ZNF500: variants seen among roughly 807,000 people sequenced by gnomAD.
The protein encoded by ZNF500 is zinc finger protein with KRAB and SCAN domains 18.
ZNF500 carries 31 observed loss-of-function variants against 30.1 expected under a neutral mutation model. The ratio of observed to expected loss-of-function variants is 1.03; its 90% CI spans 0.77 to 1.39. The LOEUF (loss-of-function observed/expected upper bound fraction) is 1.39. Among genes scored for constraint, ZNF500 ranks in the 40% most tolerant of loss-of-function variants. The pLI is 0.00. For missense variants in ZNF500, 817 were observed against 657.8 expected (o/e 1.24, Z -2.65); for synonymous variants, 392 against 282.0 (o/e 1.39, Z -3.91).
In ZNF500 at chr16:4,762,622, G is replaced by T. The variant is rs143991556; in HGVS notation, c.549C>A (p.Ala183=). The T allele has an allele frequency of 8.7e-6, 14 of 1,613,964 alleles. No individual in the cohort carries two copies. The highest frequency in any genetic ancestry group is 6.7e-5 in the African/African-American group (5 of 74,922). Residue 183 remains alanine (A), a synonymous_variant, in exon 3 of 6, where the codon GCC becomes GCA. Transcript: ENST00000219478. The stretch of plus-strand genomic sequence containing the variant: ...CCCTCTGTGGCCTGTGGCTCAGCTG[G>T]GCTGGGGGCTGCTGGCTGGAGAATC... The part of the protein sequence containing the change: ...EARFSSQQPP[A]QLSHRPQRGP...
At chr16:4,746,945 TGACAGTGAG>T (rs2082024548), downstream of ZNF500, 3 of 1,563,280 alleles carry the variant, frequency 1.9e-6, no homozygotes, top group East Asian at 4.8e-5. Flanking sequence ...ACAGCTCCTC[TGACAGTGAG>T]GAGGAGGAGG....
chr16:4,761,440 C>CA (rs1166611729), intron 4 of ZNF500, among the ~76,000 whole-genome samples: 1 of 149,362 alleles, frequency 6.7e-6, no homozygotes, highest in Non-Finnish European at 1.5e-5. Flanking sequence ...AACTCTGTCT[C>CA]AAAAAAACAA....
At position 4,752,093 on chromosome 16, in the gene ZNF500, C is replaced by G; in HGVS notation, c.*283G>C. 1 of 1,321,878 alleles carries G rather than the reference C, an allele frequency of 7.6e-7. No homozygotes were observed. The highest frequency in any genetic ancestry group is 3.6e-5 in the Admixed American group (1 of 27,492). The allele number at this position is 1,321,878 out of a possible 1,614,324, so 81.9% of individuals were successfully genotyped here. On this transcript the variant is annotated 3_prime_UTR_variant, in exon 6 of 6. Transcript: ENST00000219478. The stretch of plus-strand genomic sequence containing the variant: ...CCAGCCCCACGAACACCTTGAGTGT[C>G]GGCTTCTGGCCTCCTGAGTGTGTCT...
rs1428877491 is a variant in ZNF500 at position 4,752,430 on chromosome 16, G to A, written c.1389C>T (p.Gly463=). 7 of 1,536,612 alleles carry A rather than the reference G, an allele frequency of 4.6e-6. No individual in the cohort carries two copies. Among genetic ancestry groups the A allele is most frequent in the Non-Finnish European group, 6.1e-6 (7 of 1,145,748 alleles). The part of the protein sequence containing the change: ...HKHQRTHMGA[G]SLPTLQPVAP... ...CCACCGGCTGGAGCGTCGGCAAGGA[G>A]CCTGCCCCCATGTGGGTCCGCTGGT... Residue 463 remains glycine, a synonymous_variant, in exon 6 of 6, where the codon GGC becomes GGT. Transcript: ENST00000219478.
chr16:4,762,923 A>G (rs1258609826), intron 2 of ZNF500, 167 bp from the exon 3 acceptor site: 2 of 985,166 alleles, frequency 2.0e-6, no homozygotes, highest in Non-Finnish European at 2.4e-6. Context: ...CCCTGCAGCC[A>G]GCTCCCAGCC....
intron 5 of ZNF500, 38 bp from the exon 6 acceptor site, chr16:4,753,096 C>G: frequency 6.7e-7 from 1 of 1,499,700 alleles, no homozygotes; most frequent in Non-Finnish European, 8.8e-7. Flanking sequence ...GAACTCACAG[C>G]AAGAGGGCAA....
At chr16:4,760,099 G>A (rs1188878534) in intron 5 of ZNF500, among the ~76,000 whole-genome samples, 1 of 152,220 alleles carries the variant, frequency 6.6e-6, no homozygotes, top group Non-Finnish European at 1.5e-5. Flanking sequence ...AAGGCAGGAA[G>A]AGACAAACGG....
Position 4,766,078 on chromosome 16 carries a change from T to A in ZNF500, c.-98-2A>T. ...AGGAAGAGAGTTTTTTTCAGGGCCC[T>A]GTGGAGAGACGATAAAACCATCTGA... On this transcript the variant is annotated splice_acceptor_variant, in intron 1 of 5. Coordinates refer to ENST00000219478, the MANE Select transcript of ZNF500 (RefSeq NM_021646.4). LOFTEE classifies it low-confidence loss of function (5UTR_SPLICE). 1.6e-6 allele frequency: 2 copies of A among 1,212,852 alleles called. No individual in the cohort carries two copies. Among genetic ancestry groups the A allele is most frequent in the Non-Finnish European group, 2.2e-6 (2 of 890,990 alleles). 75.1% of individuals were successfully genotyped at this position (1,212,852 alleles called of 1,614,324 possible). A position where few individuals can be genotyped will look rare whatever the true frequency, so the allele number is the denominator to read the frequency against.
At chr16:4,763,276 G>A (rs1280097196) in intron 2 of ZNF500, 1 of 301,330 alleles carries the variant, frequency 3.3e-6, no homozygotes, top group Non-Finnish European at 4.9e-6. Flanking sequence ...CAGCACGCTT[G>A]TAATCCCAGG....
At chr16:4,748,098 G>A (rs1486431900), downstream of ZNF500, 1 of 154,668 alleles carries the variant, frequency 6.5e-6, no homozygotes, top group East Asian at 1.9e-4. Context: ...TGCTATTTTG[G>A]GCACCTAAAT....
intron 5 of ZNF500, among the ~76,000 whole-genome samples, chr16:4,760,051 CAAACAA>C (rs1420158293): frequency 2.0e-5 from 3 of 152,034 alleles, no homozygotes; most frequent in Non-Finnish European, 2.9e-5. Flanking sequence ...AACAAACAAG[CAAACAA>C]AAAACCAGAA....
chr16:4,755,383 C>A (rs764584976), intron 5 of ZNF500, among the ~76,000 whole-genome samples: 8 of 152,132 alleles, frequency 5.3e-5, no homozygotes, highest in Non-Finnish European at 1.0e-4. Flanking sequence ...GTGGTGTGAT[C>A]TCCGCTCACT....
At chr16:4,746,360 C>CT, downstream of ZNF500, 1 of 1,607,160 alleles carries the variant, frequency 6.2e-7, no homozygotes. Context: ...ACAACACCTG[C>CT]TTTTCTCATT....
In ZNF500 at chr16:4,750,452, C is replaced by G. The variant is rs1396284646; in HGVS notation, c.*1924G>C. 1 of 152,156 alleles carries G rather than the reference C, an allele frequency of 6.6e-6. No homozygotes were observed. The highest frequency in any genetic ancestry group is 1.5e-5 in the Non-Finnish European group (1 of 68,104). 9.4% of individuals were successfully genotyped at this position (152,156 alleles called of 1,614,324 possible). A position where few individuals can be genotyped will look rare whatever the true frequency, so the allele number is the denominator to read the frequency against. On this transcript the variant is annotated 3_prime_UTR_variant, in exon 6 of 6. Transcript: ENST00000219478. ...AAGTGATCCTCCAGCCTCAGCCTCT[C>G]AAGTAGCTGGGACTACAGGCACACC...
At chr16:4,747,662 G>A, downstream of ZNF500, 1 of 1,570,430 alleles carries the variant, frequency 6.4e-7, no homozygotes, top group East Asian at 2.3e-5. Context: ...GTGGGCAGGG[G>A]CGGGCTGACT....
chr16:4,751,443 G>T lies in ZNF500; in HGVS notation c.*933C>A. On this transcript the variant is annotated 3_prime_UTR_variant, in exon 6 of 6. Transcript: ENST00000219478. Reference sequence around the variant, plus strand: ...AACATGTCAGGAAGATGGAACTCAGGGGTGCTTTCCCGCCCCAGGTGTCTT... The same window carrying T: ...AACATGTCAGGAAGATGGAACTCAGTGGTGCTTTCCCGCCCCAGGTGTCTT... 1.2e-6 allele frequency: 1 copy of T among 803,574 alleles called. No homozygotes were observed. The highest frequency in any genetic ancestry group is 1.9e-5 in the South Asian group (1 of 53,738). 49.8% of individuals were successfully genotyped at this position (803,574 alleles called of 1,614,324 possible).
At position 4,762,684 on chromosome 16, in the gene ZNF500, C is replaced by T; in HGVS notation, c.487G>A (p.Ala163Thr). ...GGQFLKHQAE[A>T]QPEDLSLEEE... is the part of the protein sequence containing the mutation. ...TCCAGGGACAGATCCTCTGGCTGAG[C>T]CTCTGCCTGGTGTTTTAAGAACTGT... The change falls in exon 3 of 6, where the codon GCT becomes ACT. Residue 163 changes from alanine (A) to threonine (T), a missense_variant. Physicochemically the swap from Ala to Thr is moderately conservative, Grantham distance 58 (BLOSUM62 0). Coordinates refer to ENST00000219478, the MANE Select transcript of ZNF500 (RefSeq NM_021646.4). 6.2e-7 allele frequency: 1 copy of T among 1,614,084 alleles called. No individual in the cohort carries two copies. Among genetic ancestry groups the T allele is most frequent in the Non-Finnish European group, 8.5e-7 (1 of 1,179,972 alleles).
chr16:4,746,681 G>A, downstream of ZNF500: 2 of 985,650 alleles, frequency 2.0e-6, no homozygotes, highest in Non-Finnish European at 1.5e-6. Context: ...TCCCTGCAGG[G>A]AGGGAAGAGG....
At chr16:4,760,640 C>A (rs748931849) in intron 4 of ZNF500, 52 bp from the exon 5 acceptor site, 3 of 1,532,798 alleles carry the variant, frequency 2.0e-6, no homozygotes, top group South Asian at 1.2e-5. Flanking sequence ...TGCCTCCTCC[C>A]CAACTAAGGC....
Sources: allele counts gnomAD v4.1 joint callset (sites outside exome capture counted in the v4.1 genomes callset), GRCh38; gene constraint gnomAD v4.1.1; transcripts MANE v1.5; gene names NCBI Gene and HGNC (gene_info 2026-07-23, HGNC 2026-07-21).